PPARGC1B: variants seen among roughly 807,000 people sequenced by gnomAD.
PPARGC1B encodes the protein peroxisome proliferator-activated receptor gamma coactivator 1-beta.
A neutral mutation model predicts 101.6 loss-of-function variants in PPARGC1B; 34 were observed. The observed-to-expected ratio is 0.33, with a 90% CI of 0.25 to 0.45. The LOEUF (loss-of-function observed/expected upper bound fraction) is 0.45. Ranked by LOEUF, PPARGC1B falls within the 20% of genes least tolerant of loss-of-function variation. PPARGC1B has a pLI of 1.00. For synonymous variants in PPARGC1B, 548 were observed against 539.3 expected (o/e 1.02, Z -0.22); for missense variants, 1,234 against 1,317.6 (o/e 0.94, Z 0.98).
chr5:149,821,764 CAT>C (rs1377127873), intron 2 of PPARGC1B, among the ~76,000 whole-genome samples: 2 of 152,178 alleles, frequency 1.3e-5, no homozygotes, highest in Non-Finnish European at 2.9e-5. Context: ...CGTCTGTAAA[CAT>C]GTGAACAAAC....
chr5:149,754,235 C>T (rs1336357668), intron 1 of PPARGC1B, among the ~76,000 whole-genome samples: 2 of 152,102 alleles, frequency 1.3e-5, no homozygotes, highest in African/African-American at 4.8e-5. Context: ...TATCAGTTGT[C>T]GATTTTCTTC....
chr5:149,799,693 G>GGTTTTTTTT (rs1554078153), intron 1 of PPARGC1B, among the ~76,000 whole-genome samples: 1 of 76,480 alleles, frequency 1.3e-5, no homozygotes, highest in African/African-American at 5.7e-5. Flanking sequence ...GCTTGTTGTT[G>GGTTTTTTTT]TTTTTTTTTT....
intron 1 of PPARGC1B, among the ~76,000 whole-genome samples, chr5:149,767,023 T>C (rs1486357475): frequency 2.0e-5 from 3 of 152,168 alleles, no homozygotes; most frequent in South Asian, 4.1e-4. Context: ...GGTCCCTGCA[T>C]TGAGTGGCTA....
intron 1 of PPARGC1B, among the ~76,000 whole-genome samples, chr5:149,809,477 CATAGATAGATAGATAG>C (rs70973546): frequency 0.033 from 1,804 of 54,770 alleles, 86 homozygotes; most frequent in Middle Eastern, 0.08. Flanking sequence ...CCATCTCTAC[CATAGATAGATAGATAG>C]ATAGATAGAT....
rs910929218 is a variant in PPARGC1B, at chr5:149,832,180, A to G, written c.583-476A>G. On this transcript the variant is annotated intron_variant, in intron 4 of 11. Coordinates refer to ENST00000309241, the MANE Select transcript of PPARGC1B (RefSeq NM_133263.4). The surrounding 1 kb of genome is among the most constrained non-coding windows in gnomAD (Gnocchi z 4.9). ...AAAAATTAGCCGGGTGTGGTGATGC[A>G]CGCCTGTAATCCCAACTACTCGGGA... is the stretch of plus-strand genomic sequence containing the variant. Among the ~76,000 whole-genome samples the G allele has an allele frequency of 6.6e-6, 1 of 152,112 alleles. No individual in the cohort carries two copies. The highest frequency in any genetic ancestry group is 2.4e-5 in the African/African-American group (1 of 41,402).
In PPARGC1B at chr5:149,830,810, C is replaced by T. The variant is rs1248518752; in HGVS notation, c.509C>T (p.Ser170Phe). The T allele has an allele frequency of 6.2e-7, 1 of 1,614,212 alleles. No homozygotes were observed. Among genetic ancestry groups the T allele is most frequent in the East Asian group, 2.2e-5 (1 of 44,878 alleles). ...GCCACATCCTACCCAACATCAAGCT[C>T]TGACACCCAGAAGGAAGGGACCGCC... ...LLATSYPTSS[S>F]DTQKEGTAWR... Residue 170 changes from serine (S) to phenylalanine (F), a missense_variant, in exon 4 of 12, where the codon TCT becomes TTT. Physicochemically the swap from Ser to Phe is radical, Grantham distance 155. Coordinates refer to ENST00000309241, the MANE Select transcript of PPARGC1B (RefSeq NM_133263.4).
At chr5:149,793,113 G>C (rs1757082336) in intron 1 of PPARGC1B, among the ~76,000 whole-genome samples, 1 of 152,098 alleles carries the variant, frequency 6.6e-6, no homozygotes, top group African/African-American at 2.4e-5. Flanking sequence ...GGGCCTCCCT[G>C]TGGTTCCCTG....
chr5:149,797,718 C>T (rs972426773), intron 1 of PPARGC1B, among the ~76,000 whole-genome samples: 3 of 152,090 alleles, frequency 2.0e-5, no homozygotes, highest in Non-Finnish European at 2.9e-5. Context: ...GTGAGGAGTT[C>T]GAGACCAGCC....
chr5:149,775,158 C>T, intron 1 of PPARGC1B, among the ~76,000 whole-genome samples: 1 of 152,154 alleles, frequency 6.6e-6, no homozygotes, highest in East Asian at 1.9e-4. Flanking sequence ...TGAACTATCA[C>T]CTCCTACTCT....
chr5:149,772,123 C>A, intron 1 of PPARGC1B: 1 of 1,597,024 alleles, frequency 6.3e-7, no homozygotes, highest in Non-Finnish European at 8.5e-7. Context: ...CTTGGAGGAG[C>A]CGCCACCAGA....
intron 1 of PPARGC1B, among the ~76,000 whole-genome samples, chr5:149,769,495 C>G (rs1290226498): frequency 6.6e-6 from 1 of 152,210 alleles, no homozygotes; most frequent in Non-Finnish European, 1.5e-5. Flanking sequence ...AAGTGCTTCT[C>G]CTTTGGTCTT....
Position 149,769,638 on chromosome 5 carries a change from G to T in PPARGC1B, c.78+39218G>T, listed in dbSNP as rs201301055. ...GCTGCTGTAACAAACTACCACACAT[G>T]TAGTGCCTTAACACAGATCTTGCCG... On this transcript the variant is annotated intron_variant, in intron 1 of 11. Transcript: ENST00000309241. Among the ~76,000 whole-genome samples, 16 of 152,302 alleles carry T rather than the reference G, an allele frequency of 1.1e-4. No homozygotes were observed. The East Asian group carries it at 2.7e-3, about 26-fold the overall frequency.
At chr5:149,798,798 T>C (rs1170634781) in intron 1 of PPARGC1B, among the ~76,000 whole-genome samples, 2 of 152,208 alleles carry the variant, frequency 1.3e-5, no homozygotes, top group Non-Finnish European at 2.9e-5. Context: ...TAGAGTGGAC[T>C]GGACAGTCTG....
chr5:149,736,891 T>C (rs1190586384), intron 1 of PPARGC1B, among the ~76,000 whole-genome samples: 1 of 152,134 alleles, frequency 6.6e-6, no homozygotes, highest in Admixed American at 6.5e-5. Context: ...CCACCAGAGT[T>C]GTAGATTTGT....
At position 149,835,424 on chromosome 5, in the gene PPARGC1B, GT is replaced by G. The variant is rs1759009306; in HGVS notation, c.1807+64del. 2.0e-6 allele frequency: 3 copies of G among 1,482,144 alleles called. No homozygotes were observed. The East Asian group carries it at 6.8e-5, about 34-fold the overall frequency. The allele number at this position is 1,482,144 out of a possible 1,614,324, so 91.8% of individuals were successfully genotyped here. On this transcript the variant is annotated intron_variant, in intron 7 of 11. Coordinates refer to ENST00000309241, the MANE Select transcript of PPARGC1B (RefSeq NM_133263.4). ...CAGGAAAACACCCGTGCATCTCTGA[GT>G]TTTTCATCATGCATGGGCAAGGTGC...
At chr5:149,820,312 C>A (rs1581093187) in intron 1 of PPARGC1B, 121 bp from the exon 2 acceptor site, 2 of 895,742 alleles carry the variant, frequency 2.2e-6, no homozygotes, top group East Asian at 4.9e-5. Flanking sequence ...ATTTCTTGGT[C>A]ATTTGGCAAA....
intron 1 of PPARGC1B, chr5:149,732,683 C>A: frequency 2.4e-6 from 1 of 408,726 alleles, no homozygotes; most frequent in Non-Finnish European, 5.0e-6. Context: ...TTGAGCCGCC[C>A]CTAGAAGGCT....
intron 1 of PPARGC1B, among the ~76,000 whole-genome samples, chr5:149,746,698 C>A (rs954721558): frequency 6.6e-6 from 1 of 152,176 alleles, no homozygotes; most frequent in Non-Finnish European, 1.5e-5. Flanking sequence ...GGTGGCTGTA[C>A]CATTTAACAT....
chr5:149,764,399 C>T (rs1209727672), intron 1 of PPARGC1B, among the ~76,000 whole-genome samples: 7 of 152,098 alleles, frequency 4.6e-5, no homozygotes, highest in African/African-American at 4.8e-5. Context: ...AAGTAGGATG[C>T]GGAGAGTTGG....
Sources: gnomAD v4.1 joint callset for allele counts (sites outside exome capture counted in the v4.1 genomes callset) on GRCh38, gnomAD v4.1.1 for gene constraint, Gnocchi (gnomAD v3.1) non-coding constraint, MANE v1.5 for transcripts, NCBI Gene and HGNC (gene_info 2026-07-23, HGNC 2026-07-21) for gene names.